The following CHD2 variants were observed in gnomAD, a reference collection of about 807,000 sequenced individuals.
CHD2 encodes ATP-dependent chromatin remodeler CHD2.
In CHD2, 28 loss-of-function variants were observed where a neutral mutation model predicts 243.9. The ratio of observed to expected loss-of-function variants is 0.11; its 90% CI spans 0.09 to 0.16. CHD2 has a LOEUF of 0.16. CHD2 is among the 10% of genes least tolerant of loss of function. The pLI is 1.00. For synonymous variants in CHD2, 775 were observed against 779.0 expected, an observed-to-expected ratio of 0.99 and a Z score of 0.09; for missense variants, 1,386 against 2,209.8, an observed-to-expected ratio of 0.63 and a Z score of 7.47.
chr15:92,916,116 C>A (rs1302337927), intron 2 of CHD2, among the ~76,000 whole-genome samples: 1 of 152,202 alleles, frequency 6.6e-6, no homozygotes, highest in Admixed American at 6.5e-5. Flanking sequence ...GAAGCCCCCT[C>A]CCCTGCTTCC....
intron 7 of CHD2, among the ~76,000 whole-genome samples, chr15:92,941,172 A>G (rs919487486): frequency 6.6e-6 from 1 of 150,648 alleles, no homozygotes. Flanking sequence ...TAATTTTTGT[A>G]TTTTTAATCG....
chr15:92,999,083 CAAAAAAAAAAAAAAAAAA>C (rs55738843), intron 31 of CHD2, among the ~76,000 whole-genome samples: 3 of 65,542 alleles, frequency 4.6e-5, no homozygotes, highest in African/African-American at 1.3e-4. Flanking sequence ...GACTCCGTCT[CAAAAAAAAAAAAAAAAAA>C]AAAAAAAAAA....
intron 2 of CHD2, among the ~76,000 whole-genome samples, chr15:92,903,497 TAA>T (rs375632672): frequency 1.3e-4 from 20 of 152,356 alleles, no homozygotes; most frequent in African/African-American, 4.8e-4. Context: ...AGTGGTTATA[TAA>T]GTTTGTATTT....
At chr15:92,952,161 A>G (rs75163522) in intron 13 of CHD2, among the ~76,000 whole-genome samples, 158 of 152,240 alleles carry the variant, frequency 1.0e-3, no homozygotes, top group Admixed American at 5.6e-3. Context: ...TGTTTCTTCA[A>G]TTTTAAATGT....
At chr15:93,001,991 A>G (rs1466659365) in intron 32 of CHD2, among the ~76,000 whole-genome samples, 186 bp from the exon 33 acceptor site, 3 of 152,342 alleles carry the variant, frequency 2.0e-5, no homozygotes, top group Admixed American at 1.3e-4. Flanking sequence ...TTCTGCCTCT[A>G]CAGTTGTAAC....
intron 21 of CHD2, 86 bp from the exon 22 acceptor site, chr15:92,979,049 G>A (rs1014422339): frequency 1.3e-6 from 2 of 1,529,524 alleles, no homozygotes; most frequent in South Asian, 2.6e-5. Context: ...CCCCTCTTGG[G>A]TTTTGACAGA....
chr15:92,978,068 A>G (rs948445354), intron 20 of CHD2, 166 bp from the exon 21 acceptor site: 8 of 741,720 alleles, frequency 1.1e-5, no homozygotes, highest in African/African-American at 1.0e-4. Context: ...ATGAAAATTC[A>G]TTCTACCATC....
intron 13 of CHD2, among the ~76,000 whole-genome samples, chr15:92,951,862 T>G (rs2053558764): frequency 6.6e-6 from 1 of 152,232 alleles, no homozygotes; most frequent in South Asian, 2.1e-4. Context: ...TTTTACCCTT[T>G]AAACTAGCTA....
chr15:92,940,907 T>C (rs1596394154), intron 7 of CHD2, among the ~76,000 whole-genome samples: 1 of 90,814 alleles, frequency 1.1e-5, no homozygotes, highest in Non-Finnish European at 2.2e-5. Flanking sequence ...TATATAAATA[T>C]ATATATAAAT....
Position 93,024,353 on chromosome 15 carries a change from C to T in CHD2, c.5154-19C>T, listed in dbSNP as rs777949860. On this transcript the variant is annotated intron_variant, in intron 38 of 38. Coordinates refer to ENST00000394196, the MANE Select transcript of CHD2 (RefSeq NM_001271.4). ...ATCTGGCTTCAGTCTTTCGACTAAT[C>T]CTTGCATCTCTATTTCAGGCACCAT... The T allele has an allele frequency of 1.9e-5, 31 of 1,602,634 alleles. No homozygotes were observed. The highest frequency in any genetic ancestry group is 2.4e-5 in the Non-Finnish European group (28 of 1,172,938).
At chr15:93,011,406 G>C (rs763254697) in intron 35 of CHD2, among the ~76,000 whole-genome samples, 2 of 152,232 alleles carry the variant, frequency 1.3e-5, no homozygotes, top group African/African-American at 4.8e-5. Flanking sequence ...GAGATGAACA[G>C]AGTTCTCAGG....
chr15:92,990,523 A>G (rs1360424388), intron 26 of CHD2, among the ~76,000 whole-genome samples: 1 of 152,206 alleles, frequency 6.6e-6, no homozygotes, highest in Non-Finnish European at 1.5e-5. Context: ...TGTTATTTAG[A>G]CATAAAATAT....
At chr15:93,012,009 C>T (rs1596456671) in intron 35 of CHD2, among the ~76,000 whole-genome samples, 1 of 152,158 alleles carries the variant, frequency 6.6e-6, no homozygotes, top group East Asian at 1.9e-4. Flanking sequence ...GTCTCTAAAT[C>T]CCTCTGTCAG....
intron 2 of CHD2, among the ~76,000 whole-genome samples, chr15:92,905,405 C>G (rs1300354351): frequency 6.6e-6 from 1 of 152,080 alleles, no homozygotes; most frequent in Non-Finnish European, 1.5e-5. Flanking sequence ...TGAATTTAAG[C>G]AAGCAAGAAA....
chr15:92,908,877 G>C (rs977555324), intron 2 of CHD2, among the ~76,000 whole-genome samples: 4 of 152,140 alleles, frequency 2.6e-5, no homozygotes, highest in African/African-American at 7.2e-5. Flanking sequence ...CCAGCAGTTT[G>C]GGAGGCCCAG....
intron 8 of CHD2, 108 bp from the exon 9 acceptor site, chr15:92,942,735 T>G: frequency 1.4e-6 from 1 of 736,158 alleles, no homozygotes; most frequent in South Asian, 2.3e-5. Context: ...GTTGAAGTAT[T>G]TTGGTGCTTC....
intron 3 of CHD2, among the ~76,000 whole-genome samples, 178 bp downstream of exon 3, chr15:92,924,730 G>A (rs540022005): frequency 2.0e-5 from 3 of 152,216 alleles, no homozygotes; most frequent in African/African-American, 7.2e-5. Context: ...GCTCTATTAA[G>A]GAAAATAAAT....
rs397853913 is a variant in CHD2 at position 93,003,286 on chromosome 15, C to CAA, written c.4278+987_4278+988dup. ...TGGGCAACAGAGGAAGACCTTGTCT[C>CAA]AAAAAAAAAAAAAAAAAAATCATTT... is the stretch of plus-strand genomic sequence containing the variant. On this transcript the variant is annotated intron_variant, in intron 33 of 38. Transcript: ENST00000394196. Among the ~76,000 whole-genome samples, 202 of 131,026 alleles carry CAA rather than the reference C, an allele frequency of 1.5e-3. 3 individuals are homozygous for CAA. Among genetic ancestry groups the CAA allele is most frequent in the Middle Eastern group, 3.8e-3 (1 of 262 alleles). The allele number at this position is 131,026 out of a possible 152,430, so 86.0% of individuals were successfully genotyped here.
Position 92,997,325 on chromosome 15 carries a change from G to A in CHD2, c.3807G>A (p.Leu1269=), listed in dbSNP as rs1040196048. 3.7e-6 allele frequency: 6 copies of A among 1,613,434 alleles called. No individual in the cohort carries two copies. The East Asian group carries it at 6.7e-5, about 18-fold the overall frequency. The stretch of plus-strand genomic sequence containing the variant: ...GGGGGGTGGAAGATGATTCTCGCCT[G>A]TTGCTGGGGATTTATGAACATGGCT... ...VEWGVEDDSR[L]LLGIYEHGYG... Residue 1269 remains leucine, a synonymous_variant, in exon 30 of 39, where the codon CTG becomes CTA. Transcript: ENST00000394196. The surrounding 1 kb of genome is among the most constrained non-coding windows in gnomAD (Gnocchi z 4.1).
Sources: gnomAD v4.1 joint callset for allele counts (sites outside exome capture counted in the v4.1 genomes callset) on GRCh38, gnomAD v4.1.1 for gene constraint, Gnocchi (gnomAD v3.1) non-coding constraint, MANE v1.5 for transcripts, NCBI Gene and HGNC (gene_info 2026-07-23, HGNC 2026-07-21) for gene names.